Variants in CDKN2B-AS1 observed in about 807,000 individuals in gnomAD.
CDKN2B-AS1 encodes CDKN2B and CDKN2A antisense cis and trans regulatory RNA 1.
At chr9:22,115,517 T>G (rs1432040609) in intron 4 of CDKN2B-AS1, among the ~76,000 whole-genome samples, 1 of 152,096 alleles carries the variant, frequency 6.6e-6, no homozygotes, top group East Asian at 1.9e-4. Flanking sequence ...AAAAAAGCAA[T>G]GTGGAAAGAT....
chr9:22,034,583 A>G (rs969937725), intron 1 of CDKN2B-AS1, among the ~76,000 whole-genome samples: 6 of 152,186 alleles, frequency 3.9e-5, no homozygotes, highest in Non-Finnish European at 8.8e-5. Flanking sequence ...ATTGATGACA[A>G]TTAACTCCCA....
rs10965236 is a variant in CDKN2B-AS1, at chr9:22,115,634, G to C, written n.439-11469G>C. ...TGTTTCCTCTCTTGGGTGAAGATGGGAACAAGTACATGGGGTAGCAAGGGG... is the reference window on the plus strand; with the variant it reads ...TGTTTCCTCTCTTGGGTGAAGATGGCAACAAGTACATGGGGTAGCAAGGGG... On this transcript the variant is annotated intron_variant and non_coding_transcript_variant, in intron 4 of 4. Coordinates refer to ENST00000650946, the Ensembl canonical transcript of CDKN2B-AS1. 5.0e-4 allele frequency among the ~76,000 whole-genome samples: 76 copies of C among 151,808 alleles called. 1 individual carries two copies. In the East Asian group the frequency reaches 0.015, roughly 30 times the overall value.
intron 4 of CDKN2B-AS1, chr9:22,119,499 G>A (rs1448301781): frequency 1.3e-5 from 2 of 152,128 alleles, no homozygotes; most frequent in Admixed American, 1.3e-4. Context: ...GAGAAATGAG[G>A]AAGAACAAGG....
Position 22,067,160 on chromosome 9 carries a change from A to G in CDKN2B-AS1, n.438+10773A>G, listed in dbSNP as rs371945486. On this transcript the variant is annotated intron_variant and non_coding_transcript_variant, in intron 4 of 4. Transcript: ENST00000650946. ...GCACACCAACATAGCACATGTATAC[A>G]TATGTAATAAACCTGCACATTGTGC... Among the ~76,000 whole-genome samples, 25 of 152,278 alleles carry G rather than the reference A, an allele frequency of 1.6e-4. No individual in the cohort carries two copies. The East Asian group carries it at 2.7e-3, about 16-fold the overall frequency.
intron 4 of CDKN2B-AS1, among the ~76,000 whole-genome samples, chr9:22,105,216 A>G (rs890928431): frequency 5.3e-5 from 8 of 152,226 alleles, no homozygotes; most frequent in African/African-American, 1.9e-4. Flanking sequence ...GCAGCTGCAC[A>G]TATGAAGACT....
At chr9:22,092,185 G>C (rs1029254492) in intron 4 of CDKN2B-AS1, 1 of 152,154 alleles carries the variant, frequency 6.6e-6, no homozygotes. Flanking sequence ...CTTGATCATG[G>C]TGGATAAGCC....
At chr9:22,009,592 T>G (rs1174476186) in intron 1 of CDKN2B-AS1, among the ~76,000 whole-genome samples, 1 of 152,214 alleles carries the variant, frequency 6.6e-6, no homozygotes, top group Non-Finnish European at 1.5e-5. Context: ...TAATCCCCAG[T>G]AGGCGGAGCA....
At chr9:22,098,153 G>C (rs1213375179) in intron 4 of CDKN2B-AS1, among the ~76,000 whole-genome samples, 1 of 134,714 alleles carries the variant, frequency 7.4e-6, no homozygotes, top group Admixed American at 7.0e-5. Flanking sequence ...TTCTCTCTCT[G>C]TCTCTGTGTG....
chr9:22,066,436 C>T (rs1824044896), intron 4 of CDKN2B-AS1: 1 of 151,824 alleles, frequency 6.6e-6, no homozygotes, highest in African/African-American at 2.4e-5. Context: ...CTCCAGAGAT[C>T]CACCTGCCTC....
In CDKN2B-AS1 at chr9:21,995,936, G is replaced by C. The variant is rs1376194888; in HGVS notation, n.29+775G>C. ...GGCCTGAGTGGGTGGGTGTGTGCCA[G>C]AGGATTCGGGACTAGGCCCAGCTCC... On this transcript the variant is annotated intron_variant and non_coding_transcript_variant, in intron 1 of 4. Coordinates refer to ENST00000650946, the Ensembl canonical transcript of CDKN2B-AS1. The surrounding 1 kb of genome is among the most constrained non-coding windows in gnomAD (Gnocchi z 5.7). 1 of 152,716 alleles carries C rather than the reference G, an allele frequency of 6.5e-6. No individual in the cohort carries two copies. The highest frequency in any genetic ancestry group is 1.5e-5 in the Non-Finnish European group (1 of 68,438). 9.5% of individuals were successfully genotyped at this position (152,716 alleles called of 1,614,324 possible). A position where few individuals can be genotyped will look rare whatever the true frequency, so the allele number is the denominator to read the frequency against.
intron 4 of CDKN2B-AS1, chr9:22,118,190 CAT>C (rs1025048322): frequency 1.3e-5 from 2 of 152,204 alleles, no homozygotes; most frequent in African/African-American, 4.8e-5. Flanking sequence ...AGTTGCACCA[CAT>C]AGTCACCTTC....
At chr9:22,030,241 C>T in intron 1 of CDKN2B-AS1, 1 of 152,092 alleles carries the variant, frequency 6.6e-6, no homozygotes, top group South Asian at 2.1e-4. Context: ...CAGCTTTTTG[C>T]TTGTAGAATT....
In CDKN2B-AS1 at chr9:22,102,491, G is replaced by A. The variant is rs375956637; in HGVS notation, n.439-24612G>A. ...TCTGTCCAAGAGCCTCTGCTGGTAG[G>A]GCCATGCTCTCGGCAGAGGCTCTTG... On this transcript the variant is annotated intron_variant and non_coding_transcript_variant, in intron 4 of 4. Transcript: ENST00000650946. Among the ~76,000 whole-genome samples, 6 of 152,218 alleles carry A rather than the reference G, an allele frequency of 3.9e-5. No homozygotes were observed. The South Asian group carries it at 6.2e-4, about 16-fold the overall frequency.
chr9:21,997,058 C>A lies in CDKN2B-AS1; in HGVS notation n.29+1897C>A, dbSNP rs1159928320. On this transcript the variant is annotated intron_variant and non_coding_transcript_variant, in intron 1 of 4. Transcript: ENST00000650946. This position sits in a 1 kb window ranked among gnomAD's most constrained non-coding sequence, Gnocchi z 4.8. Reference sequence around the variant, plus strand: ...GGTTGCTTAACAACAGGGATACATTCTCAGACATGTATCTTTAGGCGATTT... The same window carrying A: ...GGTTGCTTAACAACAGGGATACATTATCAGACATGTATCTTTAGGCGATTT... Among the ~76,000 whole-genome samples, 2 of 152,130 alleles carry A rather than the reference C, an allele frequency of 1.3e-5. No homozygotes were observed.
In CDKN2B-AS1 at chr9:22,039,169, A is replaced by G. The variant is rs1822805736; in HGVS notation, n.30-7582A>G. Among the ~76,000 whole-genome samples the G allele has an allele frequency of 6.6e-6, 1 of 152,044 alleles. No individual in the cohort carries two copies. The highest frequency in any genetic ancestry group is 2.1e-4 in the South Asian group (1 of 4,830). ...AAATGACATCTAATTTTTTAAGGCC[A>G]AGAATCATTAAAAAGGGATCCAAAT... On this transcript the variant is annotated intron_variant and non_coding_transcript_variant, in intron 1 of 4. Transcript: ENST00000650946. This position sits in a 1 kb window ranked among gnomAD's most constrained non-coding sequence, Gnocchi z 4.4.
At chr9:22,051,841 A>G (rs1384710160) in intron 3 of CDKN2B-AS1, among the ~76,000 whole-genome samples, 2 of 152,204 alleles carry the variant, frequency 1.3e-5, no homozygotes, top group African/African-American at 4.8e-5. Flanking sequence ...TATACCACGT[A>G]TATTTATTAT....
At chr9:22,011,151 C>A (rs187760724) in intron 1 of CDKN2B-AS1, among the ~76,000 whole-genome samples, 2 of 152,306 alleles carry the variant, frequency 1.3e-5, no homozygotes, top group East Asian at 3.9e-4. Flanking sequence ...TGGTCCTAAC[C>A]AGCTCCAGAC....
Position 22,072,210 on chromosome 9 carries a change from A to G in CDKN2B-AS1, n.438+15823A>G, listed in dbSNP as rs191339729. Among the ~76,000 whole-genome samples, 97 of 152,170 alleles carry G rather than the reference A, an allele frequency of 6.4e-4. 1 individual carries two copies. The highest frequency in any genetic ancestry group is 2.0e-3 in the African/African-American group (84 of 41,506). On this transcript the variant is annotated intron_variant and non_coding_transcript_variant, in intron 4 of 4. Coordinates refer to ENST00000650946, the Ensembl canonical transcript of CDKN2B-AS1. ...TGAGGGAAATAAAAATTTGCTAGCA[A>G]TTTTCTCTAAATGACATTATCATAG...
intron 1 of CDKN2B-AS1, among the ~76,000 whole-genome samples, chr9:22,007,151 G>C (rs565276384): frequency 6.6e-6 from 1 of 152,264 alleles, no homozygotes; most frequent in Non-Finnish European, 1.5e-5. Context: ...CCTGAGGTCA[G>C]GAGTTCGAGA....
Sources: gnomAD v4.1 joint callset for allele counts (sites outside exome capture counted in the v4.1 genomes callset) on GRCh38, gnomAD v4.1.1 for gene constraint, Gnocchi (gnomAD v3.1) non-coding constraint, MANE v1.5 for transcripts, NCBI Gene and HGNC (gene_info 2026-07-23, HGNC 2026-07-21) for gene names.